MCPH1: variants seen among roughly 807,000 people sequenced by gnomAD.
The protein encoded by MCPH1 is microcephalin.
A neutral mutation model predicts 84.5 loss-of-function variants in MCPH1; 104 were observed. That is an observed-to-expected ratio of 1.23 (90% CI 1.05 to 1.45). MCPH1 has a LOEUF of 1.45. Among genes scored for constraint, MCPH1 ranks in the 40% most tolerant of loss-of-function variants. The pLI is 0.00. For synonymous variants in MCPH1, 514 were observed against 366.8 expected (o/e 1.40, Z -4.58); for missense variants, 1,498 against 1,005.7 (o/e 1.49, Z -6.62).
intron 12 of MCPH1, among the ~76,000 whole-genome samples, chr8:6,554,900 T>C (rs1043782136): frequency 8.5e-5 from 13 of 152,186 alleles, no homozygotes; most frequent in African/African-American, 3.1e-4. Flanking sequence ...TTTTGTCAAG[T>C]GGTGCAAGGA....
rs1027459977 is a variant in MCPH1 at position 6,638,900 on chromosome 8, G to A, written c.2453-4094G>A. On this transcript the variant is annotated intron_variant, in intron 13 of 13. Coordinates refer to ENST00000344683, the MANE Select transcript of MCPH1 (RefSeq NM_024596.5). ...GTCGGCCCTTGTTCAGTGGTCAGAT[G>A]CGCTTCAGACCTCCCAGAGTGCTGC... Among the ~76,000 whole-genome samples, 8 of 152,316 alleles carry A rather than the reference G, an allele frequency of 5.3e-5. No homozygotes were observed. The South Asian group carries it at 6.2e-4, about 12-fold the overall frequency.
At chr8:6,567,433 G>C (rs1204168212) in intron 12 of MCPH1, among the ~76,000 whole-genome samples, 2 of 152,188 alleles carry the variant, frequency 1.3e-5, no homozygotes, top group African/African-American at 4.8e-5. Context: ...CTGGTGCCTC[G>C]GCTCAGCCTT....
At chr8:6,565,714 T>A (rs1263337558) in intron 12 of MCPH1, among the ~76,000 whole-genome samples, 1 of 152,206 alleles carries the variant, frequency 6.6e-6, no homozygotes, top group East Asian at 1.9e-4. Flanking sequence ...TTAAGGCAAC[T>A]GGGTGTCTGA....
intron 11 of MCPH1, among the ~76,000 whole-genome samples, chr8:6,483,436 G>A (rs1436628177): frequency 6.6e-6 from 1 of 152,220 alleles, no homozygotes; most frequent in African/African-American, 2.4e-5. Context: ...CTTTCAAGCT[G>A]TGGTCCTCAA....
intron 12 of MCPH1, among the ~76,000 whole-genome samples, chr8:6,506,385 G>C (rs1188864036): frequency 2.0e-5 from 3 of 151,954 alleles, no homozygotes; most frequent in Non-Finnish European, 4.4e-5. Context: ...CCTCTCCCCA[G>C]TCTCTTTTCC....
In MCPH1 at chr8:6,519,999, T is replaced by A. The variant is rs755522191; in HGVS notation, c.2214+20070T>A. 3.7e-6 allele frequency: 6 copies of A among 1,612,312 alleles called. No individual in the cohort carries two copies. The African/African-American group carries it at 6.7e-5, about 18-fold the overall frequency. ...CAACAGTGGGGTCCTTAGCTGCTTT[T>A]AAAAAATAGTAAGGCATTTAAACGG... On this transcript the variant is annotated intron_variant, in intron 12 of 13. Transcript: ENST00000344683.
chr8:6,475,792 T>A (rs1167069635), intron 9 of MCPH1, among the ~76,000 whole-genome samples: 1 of 151,908 alleles, frequency 6.6e-6, no homozygotes, highest in Admixed American at 6.6e-5. Context: ...CAGCCATGAG[T>A]TTCAGGATCA....
intron 11 of MCPH1, among the ~76,000 whole-genome samples, chr8:6,483,783 C>T (rs929175551): frequency 2.0e-5 from 3 of 152,052 alleles, no homozygotes; most frequent in Non-Finnish European, 4.4e-5. Flanking sequence ...TCACTTAAAC[C>T]GGTGAGATGG....
chr8:6,607,133 C>A (rs1192521025), intron 12 of MCPH1, among the ~76,000 whole-genome samples: 1 of 152,228 alleles, frequency 6.6e-6, no homozygotes, highest in African/African-American at 2.4e-5. Context: ...GCCCCTCTCA[C>A]TTTCCCCTCC....
At chr8:6,610,316 A>G (rs914483581) in intron 12 of MCPH1, among the ~76,000 whole-genome samples, 1 of 152,228 alleles carries the variant, frequency 6.6e-6, no homozygotes, top group Admixed American at 6.5e-5. Context: ...CTAAGTTACA[A>G]TCAGGTGTCT....
chr8:6,534,291 G>T (rs773617882), intron 12 of MCPH1, among the ~76,000 whole-genome samples: 1 of 152,156 alleles, frequency 6.6e-6, no homozygotes, highest in Non-Finnish European at 1.5e-5. Flanking sequence ...TTGACATTGT[G>T]TTAGGTATTC....
intron 4 of MCPH1, among the ~76,000 whole-genome samples, chr8:6,434,430 C>G (rs1362977778): frequency 6.6e-6 from 1 of 152,216 alleles, no homozygotes; most frequent in Non-Finnish European, 1.5e-5. Flanking sequence ...TAAAGCACCA[C>G]TGTCTAATTA....
chr8:6,447,585 T>C (rs1268052677), intron 8 of MCPH1, among the ~76,000 whole-genome samples: 1 of 152,222 alleles, frequency 6.6e-6, no homozygotes, highest in Admixed American at 6.5e-5. Context: ...AGTCTCGCAC[T>C]TGACGCCCAG....
intron 12 of MCPH1, chr8:6,527,534 A>T: frequency 6.2e-7 from 1 of 1,609,826 alleles, no homozygotes; most frequent in Non-Finnish European, 8.5e-7. Flanking sequence ...TGAATTATAA[A>T]TGTTTTAGTA....
chr8:6,427,878 T>C (rs1801289851), intron 3 of MCPH1, among the ~76,000 whole-genome samples: 1 of 151,528 alleles, frequency 6.6e-6, no homozygotes, highest in Non-Finnish European at 1.5e-5. Flanking sequence ...CTGCAACCTC[T>C]GCCTCCCAGG....
At chr8:6,617,750 C>G (rs559918551) in intron 12 of MCPH1, among the ~76,000 whole-genome samples, 1 of 152,142 alleles carries the variant, frequency 6.6e-6, no homozygotes, top group African/African-American at 2.4e-5. Flanking sequence ...AATCACAGTT[C>G]ACTGCAGCCT....
intron 13 of MCPH1, chr8:6,624,951 C>A: frequency 4.0e-6 from 3 of 751,488 alleles, no homozygotes; most frequent in Non-Finnish European, 4.9e-6. Context: ...TCTCAGCTCA[C>A]TGCAACCTTC....
At chr8:6,520,715 A>G (rs909332609) in intron 12 of MCPH1, among the ~76,000 whole-genome samples, 1 of 152,200 alleles carries the variant, frequency 6.6e-6, no homozygotes, top group African/African-American at 2.4e-5. Context: ...AATATATAAG[A>G]GACGCTGCAA....
At chr8:6,510,717 G>A (rs1453328615) in intron 12 of MCPH1, among the ~76,000 whole-genome samples, 2 of 152,178 alleles carry the variant, frequency 1.3e-5, no homozygotes. Flanking sequence ...CAACACTGGT[G>A]CACACCTAAA....
Sources: gnomAD v4.1 joint callset for allele counts (sites outside exome capture counted in the v4.1 genomes callset) on GRCh38, gnomAD v4.1.1 for gene constraint, MANE v1.5 for transcripts, NCBI Gene and HGNC (gene_info 2026-07-23, HGNC 2026-07-21) for gene names.